Variants in ADCY9 observed in about 807,000 individuals in gnomAD.
ADCY9 encodes the protein adenylate cyclase type 9.
In ADCY9, 50 loss-of-function variants were observed where a neutral mutation model predicts 101.5. The observed-to-expected ratio is 0.49, with a 90% CI of 0.39 to 0.62. The LOEUF is 0.62. Ranked by LOEUF, ADCY9 falls within the 20% of genes least tolerant of loss-of-function variation. The pLI is 0.00. For missense variants in ADCY9, 1,662 were observed against 1,800.4 expected, an observed-to-expected ratio of 0.92 and a Z score of 1.39; for synonymous variants, 905 against 769.3, an observed-to-expected ratio of 1.18 and a Z score of -2.92.
chr16:4,009,179 G>A (rs190233959), intron 2 of ADCY9, among the ~76,000 whole-genome samples: 14 of 152,288 alleles, frequency 9.2e-5, no homozygotes, highest in Admixed American at 2.6e-4. Context: ...AGCCTAGAAC[G>A]TAGCCAGGTC....
chr16:3,972,371 A>G lies in ADCY9; in HGVS notation c.2870+2298T>C, dbSNP rs576905693. 1.1e-4 allele frequency among the ~76,000 whole-genome samples: 17 copies of G among 151,984 alleles called. No individual in the cohort carries two copies. In the East Asian group the frequency reaches 1.9e-3, roughly 17 times the overall value. Reference sequence around the variant, plus strand: ...CAGCCTCCCGAGTAGCTGGGATTACAGGTGCCCGCCACCACGTCCAGCTAA... The same window carrying G: ...CAGCCTCCCGAGTAGCTGGGATTACGGGTGCCCGCCACCACGTCCAGCTAA... On this transcript the variant is annotated intron_variant, in intron 10 of 10. Transcript: ENST00000294016.
At chr16:4,106,921 T>C (rs963049254) in intron 2 of ADCY9, among the ~76,000 whole-genome samples, 1 of 152,374 alleles carries the variant, frequency 6.6e-6, no homozygotes, top group African/African-American at 2.4e-5. Context: ...TCCTTCTCCA[T>C]GTTTCCCTTC....
chr16:3,988,341 A>C, intron 6 of ADCY9, among the ~76,000 whole-genome samples: 1 of 151,802 alleles, frequency 6.6e-6, no homozygotes, highest in East Asian at 1.9e-4. Flanking sequence ...TCTCAGGGGA[A>C]GAAAGCAGGG....
intron 2 of ADCY9, among the ~76,000 whole-genome samples, chr16:4,043,543 A>C (rs1439597257): frequency 6.6e-6 from 1 of 151,242 alleles, no homozygotes; most frequent in African/African-American, 2.4e-5. Context: ...GCATGGTGGC[A>C]CGTGCCTGTA....
In ADCY9 at chr16:4,114,566, C is replaced by A; in HGVS notation, c.877G>T (p.Ala293Ser). The change falls in exon 2 of 11, where the codon GCC becomes TCC. Residue 293 changes from alanine to serine, a missense_variant. Transcript: ENST00000294016. This position sits in a 1 kb window ranked among gnomAD's most constrained non-coding sequence, Gnocchi z 4.3. ...ATGACGAACAGGTGGACCCCGATGG[C>A]GTGGATGCAGCCGTGGAGCAGCCCC... ...SRGLLHGCIH[A>S]IGVHLFVMSQ... is the part of the protein sequence containing the mutation. The A allele has an allele frequency of 6.2e-7, 1 of 1,614,022 alleles. No individual in the cohort carries two copies.
chr16:4,023,817 C>T (rs958047330), intron 2 of ADCY9, among the ~76,000 whole-genome samples: 7 of 151,722 alleles, frequency 4.6e-5, no homozygotes, highest in African/African-American at 1.7e-4. Context: ...GGCTGAGGCA[C>T]GAGCATCGCT....
At chr16:4,029,250 C>T (rs551899756) in intron 2 of ADCY9, among the ~76,000 whole-genome samples, 1 of 151,744 alleles carries the variant, frequency 6.6e-6, no homozygotes, top group Non-Finnish European at 1.5e-5. Context: ...AGAAATAGGA[C>T]AAAAAAAGTC....
intron 4 of ADCY9, among the ~76,000 whole-genome samples, chr16:3,993,004 G>A (rs2056257970): frequency 6.6e-6 from 1 of 152,034 alleles, no homozygotes; most frequent in Non-Finnish European, 1.5e-5. Context: ...AAGCCTTCCT[G>A]CCACCGGCCC....
rs1006685126 is a variant in ADCY9, at chr16:4,080,720, T to TG, written c.1693+33029_1693+33030insC. On this transcript the variant is annotated intron_variant, in intron 2 of 10. Coordinates refer to ENST00000294016, the MANE Select transcript of ADCY9 (RefSeq NM_001116.4). ...CCTCTACCAGAAACATTTTTTTCGTTTTTTTTTTTTTGTAAAAATATCAAT... is the reference window on the plus strand; with the variant it reads ...CCTCTACCAGAAACATTTTTTTCGTTGTTTTTTTTTTTGTAAAAATATCAAT... 7.3e-5 allele frequency among the ~76,000 whole-genome samples: 11 copies of TG among 150,990 alleles called. No homozygotes were observed. The Middle Eastern group carries it at 0.01, about 141-fold the overall frequency.
rs2055971596 is a variant in ADCY9, at chr16:3,964,640, GC to G, written c.*1134del. The G allele has an allele frequency of 6.5e-6, 1 of 152,978 alleles. No homozygotes were observed. The highest frequency in any genetic ancestry group is 1.5e-5 in the Non-Finnish European group (1 of 68,576). The allele number at this position is 152,978 out of a possible 1,614,324, so 9.5% of individuals were successfully genotyped here. A position where few individuals can be genotyped will look rare whatever the true frequency, so the allele number is the denominator to read the frequency against. On this transcript the variant is annotated 3_prime_UTR_variant, in exon 11 of 11. Coordinates refer to ENST00000294016, the MANE Select transcript of ADCY9 (RefSeq NM_001116.4). Reference sequence around the variant, plus strand: ...CTGAGCTGGACCCCGGCAGGGAGGAGCCCCCGTGGGTGGCAGGGGCAGCTGG... The same window carrying G: ...CTGAGCTGGACCCCGGCAGGGAGGAGCCCCGTGGGTGGCAGGGGCAGCTGG...
rs534661858 is a variant in ADCY9, at chr16:4,115,530, T to C, written c.-43-45A>G. The C allele has an allele frequency of 7.0e-7, 1 of 1,435,886 alleles. No individual in the cohort carries two copies. 88.9% of individuals were successfully genotyped at this position (1,435,886 alleles called of 1,614,324 possible). A position where few individuals can be genotyped will look rare whatever the true frequency, so the allele number is the denominator to read the frequency against. The stretch of plus-strand genomic sequence containing the variant: ...AGTTAGCGGCGCTCCCACCTAGGCA[T>C]GCACGCCTAGAGGCCCGGGACCTGC... On this transcript the variant is annotated intron_variant, in intron 1 of 10. Coordinates refer to ENST00000294016, the MANE Select transcript of ADCY9 (RefSeq NM_001116.4). This position sits in a 1 kb window ranked among gnomAD's most constrained non-coding sequence, Gnocchi z 6.2.
At chr16:4,084,007 CTTTT>C (rs999987863) in intron 2 of ADCY9, among the ~76,000 whole-genome samples, 2 of 152,146 alleles carry the variant, frequency 1.3e-5, no homozygotes, top group African/African-American at 2.4e-5. Context: ...ATAAAGCTTT[CTTTT>C]GTTTGTTTTG....
chr16:3,968,096 C>T (rs1358827904), intron 10 of ADCY9, among the ~76,000 whole-genome samples: 1 of 152,156 alleles, frequency 6.6e-6, no homozygotes. Flanking sequence ...TATGTAACTA[C>T]AATATCATCA....
Position 3,965,696 on chromosome 16 carries a change from T to C in ADCY9, c.*79A>G, listed in dbSNP as rs2055984252. The C allele has an allele frequency of 7.1e-7, 1 of 1,404,406 alleles. No individual in the cohort carries two copies. Among genetic ancestry groups the C allele is most frequent in the Non-Finnish European group, 9.7e-7 (1 of 1,026,962 alleles). The allele number at this position is 1,404,406 out of a possible 1,614,324, so 87.0% of individuals were successfully genotyped here. On this transcript the variant is annotated 3_prime_UTR_variant, in exon 11 of 11. Coordinates refer to ENST00000294016, the MANE Select transcript of ADCY9 (RefSeq NM_001116.4). Reference sequence around the variant, plus strand: ...CGTCCGGGGAGGGCAACTGTGGCGCTTGGAAAGCACAACAGCCAAATACAA... The same window carrying C: ...CGTCCGGGGAGGGCAACTGTGGCGCCTGGAAAGCACAACAGCCAAATACAA...
At chr16:4,080,271 T>A (rs1359211094) in intron 2 of ADCY9, among the ~76,000 whole-genome samples, 1 of 152,066 alleles carries the variant, frequency 6.6e-6, no homozygotes, top group Non-Finnish European at 1.5e-5. Context: ...TTTGAGACAG[T>A]CTTGCTCTGT....
At chr16:4,072,894 A>G (rs1261875518) in intron 2 of ADCY9, among the ~76,000 whole-genome samples, 1 of 152,000 alleles carries the variant, frequency 6.6e-6, no homozygotes, top group Non-Finnish European at 1.5e-5. Context: ...ACTTCTCACC[A>G]AAACAACAAA....
At chr16:3,982,907 C>G in intron 7 of ADCY9, 1 of 359,198 alleles carries the variant, frequency 2.8e-6, no homozygotes, top group Non-Finnish European at 5.1e-6. Context: ...CATGTCTTTT[C>G]CTTTCCTTCC....
At chr16:4,041,548 T>C (rs2056626871) in intron 2 of ADCY9, among the ~76,000 whole-genome samples, 1 of 148,418 alleles carries the variant, frequency 6.7e-6, no homozygotes, top group Non-Finnish European at 1.5e-5. Context: ...TCTAAACTTT[T>C]AAATCTATTG....
chr16:4,007,709 G>T, intron 2 of ADCY9, 151 bp from the exon 3 acceptor site: 1 of 617,684 alleles, frequency 1.6e-6, no homozygotes, highest in Middle Eastern at 4.4e-4. Context: ...GGACGTCCAC[G>T]ATCTCTCCAG....
Sources: allele counts gnomAD v4.1 joint callset (sites outside exome capture counted in the v4.1 genomes callset), GRCh38; gene constraint gnomAD v4.1.1; non-coding constraint Gnocchi (gnomAD v3.1); transcripts MANE v1.5; gene names NCBI Gene and HGNC (gene_info 2026-07-23, HGNC 2026-07-21).